Variants in DYM observed in about 807,000 individuals in gnomAD.
The protein encoded by DYM is dyggve-Melchior-Clausen syndrome protein.
DYM carries 78 observed loss-of-function variants against 93.1 expected under a neutral mutation model. The observed-to-expected ratio is 0.84, with a 90% CI of 0.70 to 1.01. The LOEUF is 1.01. Among genes scored for constraint, DYM ranks in the 50% least tolerant of loss-of-function variants. DYM has a pLI of 0.00. For synonymous variants in DYM, 321 were observed against 319.7 expected (o/e 1.00, Z -0.04); for missense variants, 789 against 845.0 (o/e 0.93, Z 0.82).
At chr18:49,453,284 G>C (rs535106912) in intron 1 of DYM, among the ~76,000 whole-genome samples, 1 of 152,204 alleles carries the variant, frequency 6.6e-6, no homozygotes, top group East Asian at 1.9e-4. Flanking sequence ...GATGTGGGTG[G>C]GGCCAGATAA....
At chr18:49,125,200 C>T (rs2082702424) in intron 15 of DYM, among the ~76,000 whole-genome samples, 2 of 152,084 alleles carry the variant, frequency 1.3e-5, no homozygotes, top group Non-Finnish European at 2.9e-5. Flanking sequence ...GCGGAGGTTG[C>T]AGTGAGCCGA....
At chr18:49,060,599 C>T (rs769965500) in intron 17 of DYM, among the ~76,000 whole-genome samples, 19 of 144,212 alleles carry the variant, frequency 1.3e-4, no homozygotes, top group Non-Finnish European at 2.3e-4. Flanking sequence ...GAACAGTACC[C>T]TCTGCCACAG....
chr18:49,245,351 A>G (rs2094139849), intron 13 of DYM, among the ~76,000 whole-genome samples: 1 of 152,216 alleles, frequency 6.6e-6, no homozygotes, highest in Non-Finnish European at 1.5e-5. Flanking sequence ...CTGTGGGGTC[A>G]GGCAGAATAG....
chr18:49,293,675 T>G (rs2060324759), intron 8 of DYM, among the ~76,000 whole-genome samples: 1 of 152,210 alleles, frequency 6.6e-6, no homozygotes, highest in Non-Finnish European at 1.5e-5. Flanking sequence ...TTGTTTGCTT[T>G]TTTTCTTGTA....
intron 13 of DYM, among the ~76,000 whole-genome samples, chr18:49,250,465 C>T (rs1381784556): frequency 1.3e-5 from 2 of 152,180 alleles, no homozygotes; most frequent in Non-Finnish European, 2.9e-5. Context: ...CCTTCCTGTT[C>T]TAGCCCCAGT....
At chr18:49,258,783 C>T (rs1338921472) in intron 11 of DYM, among the ~76,000 whole-genome samples, 1 of 10,050 alleles carries the variant, frequency 1.0e-4, no homozygotes, top group Non-Finnish European at 2.2e-4. Context: ...GGATCATAGA[C>T]ACACACACAC....
chr18:49,229,778 G>C (rs1375297009), intron 13 of DYM, among the ~76,000 whole-genome samples: 2 of 152,130 alleles, frequency 1.3e-5, no homozygotes, highest in Admixed American at 6.5e-5. Flanking sequence ...TTACCCAAGA[G>C]AAATGAAAAT....
At chr18:49,078,323 CG>C (rs2077484361) in intron 17 of DYM, among the ~76,000 whole-genome samples, 1 of 152,010 alleles carries the variant, frequency 6.6e-6, no homozygotes, top group African/African-American at 2.4e-5. Context: ...GCTTATTTCA[CG>C]TTGCATGCCT....
At chr18:49,048,806 C>T (rs2144269806) in intron 17 of DYM, among the ~76,000 whole-genome samples, 1 of 152,314 alleles carries the variant, frequency 6.6e-6, no homozygotes, top group South Asian at 2.1e-4. Flanking sequence ...ATACCTGGCA[C>T]CCCCATGACT....
intron 8 of DYM, among the ~76,000 whole-genome samples, 169 bp downstream of exon 8, chr18:49,331,695 C>T (rs558141151): frequency 5.3e-5 from 8 of 152,144 alleles, no homozygotes; most frequent in East Asian, 1.9e-4. Flanking sequence ...CATAAATCAC[C>T]GCACAAAACA....
At position 49,267,354 on chromosome 18, in the gene DYM, G is replaced by A. The variant is rs186468165; in HGVS notation, c.1251+4824C>T. Among the ~76,000 whole-genome samples, 341 of 152,174 alleles carry A rather than the reference G, an allele frequency of 2.2e-3. 3 individuals carry two copies. The highest frequency in any genetic ancestry group is 3.8e-3 in the Non-Finnish European group (256 of 67,990). ...GAAAATACATTTAAAAACATATCAT[G>A]TCCAAGTGCACTTTACCCCAGGATG... On this transcript the variant is annotated intron_variant, in intron 11 of 17. Coordinates refer to ENST00000675505, the MANE Select transcript of DYM (RefSeq NM_001353214.3).
At chr18:49,101,635 C>T (rs1196663799) in intron 16 of DYM, among the ~76,000 whole-genome samples, 1 of 152,116 alleles carries the variant, frequency 6.6e-6, no homozygotes, top group Non-Finnish European at 1.5e-5. Flanking sequence ...TAGAAGTAGA[C>T]AGCTAAGTTT....
intron 16 of DYM, chr18:49,114,567 T>C: frequency 1.0e-6 from 1 of 985,428 alleles, no homozygotes; most frequent in Non-Finnish European, 1.2e-6. Flanking sequence ...CAAAGGAGAA[T>C]GTGTTTCAAA....
rs1491070244 is a variant in DYM, at chr18:49,258,819, C to CAG, written c.1252-327_1252-326insCT. 2.4e-3 allele frequency among the ~76,000 whole-genome samples: 273 copies of CAG among 111,648 alleles called. 3 individuals are homozygous for CAG. Among genetic ancestry groups the CAG allele is most frequent in the Non-Finnish European group, 3.2e-3 (163 of 51,538 alleles). The allele number at this position is 111,648 out of a possible 152,430, so 73.2% of individuals were successfully genotyped here. A position where few individuals can be genotyped will look rare whatever the true frequency, so the allele number is the denominator to read the frequency against. The stretch of plus-strand genomic sequence containing the variant: ...ACACACACACACACACACACACACA[C>CAG]ACAGAGACACACACACACACAGAGA... On this transcript the variant is annotated intron_variant, in intron 11 of 17. Coordinates refer to ENST00000675505, the MANE Select transcript of DYM (RefSeq NM_001353214.3).
At chr18:49,058,342 C>T (rs1282341150) in intron 17 of DYM, among the ~76,000 whole-genome samples, 1 of 148,532 alleles carries the variant, frequency 6.7e-6, no homozygotes, top group Non-Finnish European at 1.5e-5. Flanking sequence ...TCCTCAGAGG[C>T]AGGGTCTTGC....
chr18:49,159,412 A>G (rs1309992454), intron 15 of DYM, among the ~76,000 whole-genome samples: 1 of 152,260 alleles, frequency 6.6e-6, no homozygotes, highest in Non-Finnish European at 1.5e-5. Context: ...AAGTTTGTAA[A>G]CAAGGTCTAA....
At chr18:49,216,900 C>T (rs543080609) in intron 13 of DYM, among the ~76,000 whole-genome samples, 36 of 152,268 alleles carry the variant, frequency 2.4e-4, no homozygotes, top group South Asian at 4.1e-4. Flanking sequence ...CAAAGCTGGA[C>T]GGAGAATGAC....
intron 16 of DYM, among the ~76,000 whole-genome samples, chr18:49,101,658 T>C (rs1214606481): frequency 6.6e-6 from 1 of 152,142 alleles, no homozygotes; most frequent in Non-Finnish European, 1.5e-5. Context: ...TTTTATTTTA[T>C]TTTTATTTTT....
chr18:49,222,178 G>A (rs1045586339), intron 13 of DYM, among the ~76,000 whole-genome samples: 17 of 151,566 alleles, frequency 1.1e-4, no homozygotes, highest in Admixed American at 9.2e-4. Context: ...ACACATACAC[G>A]GAACAGAATA....
Sources: allele counts gnomAD v4.1 joint callset (sites outside exome capture counted in the v4.1 genomes callset), GRCh38; gene constraint gnomAD v4.1.1; transcripts MANE v1.5; gene names NCBI Gene and HGNC (gene_info 2026-07-23, HGNC 2026-07-21).